ZNF711: variants seen among roughly 807,000 people sequenced by gnomAD.
ZNF711 encodes the protein zinc finger protein 711.
Under a neutral mutation model 43.5 loss-of-function variants are expected in ZNF711, and 3 were observed. The ratio of observed to expected loss-of-function variants is 0.07; its 90% CI spans 0.03 to 0.18. The LOEUF is 0.18. Among genes scored for constraint, ZNF711 ranks in the 10% least tolerant of loss-of-function variants. ZNF711 has a pLI of 1.00. For missense variants in ZNF711, 412 were observed against 604.0 expected (o/e 0.68, Z 3.33); for synonymous variants, 209 against 207.7 (o/e 1.01, Z -0.06).
intron 5 of ZNF711, 150 bp from the exon 6 acceptor site, chrX:85,264,125 G>A: frequency 2.1e-6 from 1 of 484,269 alleles, no homozygotes. Flanking sequence ...TTCATAATAG[G>A]TTATTAAGTG....
At chrX:85,250,097 C>G (rs921577007) in intron 4 of ZNF711, among the ~76,000 whole-genome samples, 3 of 112,188 alleles carry the variant, frequency 2.7e-5, no homozygotes, top group African/African-American at 9.7e-5. Context: ...ATTTGTTTAT[C>G]AGTTGATAGA....
At chrX:85,259,486 C>T (rs1299391272) in intron 5 of ZNF711, among the ~76,000 whole-genome samples, 3 of 111,348 alleles carry the variant, frequency 2.7e-5, no homozygotes, top group African/African-American at 9.8e-5. Flanking sequence ...TTGCTTTGGG[C>T]AGTATGTCCA....
intron 4 of ZNF711, among the ~76,000 whole-genome samples, chrX:85,254,924 C>T (rs1387289867): frequency 8.9e-6 from 1 of 111,928 alleles, no homozygotes; most frequent in African/African-American, 3.2e-5. Flanking sequence ...ACATCCTCAC[C>T]AGCCTATGGT....
Position 85,244,150 on chromosome X carries a change from C to CGGCGGCGGCGGCGGCGGCAGCTGT in ZNF711, c.-438_-437insGGCGGCGGCAGCTGTGGCGGCGGC. On this transcript the variant is annotated 5_prime_UTR_variant, in exon 1 of 11. Coordinates refer to ENST00000674551, the MANE Select transcript of ZNF711 (RefSeq NM_001330574.2). ...GCGGCGGCGGCGGCGGCGGCGGCAG[C>CGGCGGCGGCGGCGGCGGCAGCTGT]GGCGGCGGCAGCGGCGGCGGCAGCT... 1 of 150,137 alleles carries CGGCGGCGGCGGCGGCGGCAGCTGT rather than the reference C, an allele frequency of 6.7e-6. No individual in the cohort carries two copies. Among genetic ancestry groups the CGGCGGCGGCGGCGGCGGCAGCTGT allele is most frequent in the East Asian group, 1.7e-4 (1 of 5,728 alleles). The allele number at this position is 150,137 out of a possible 1,213,427, so 12.4% of individuals were successfully genotyped here.
chrX:85,259,097 G>A (rs764911221), intron 5 of ZNF711, among the ~76,000 whole-genome samples: 55 of 111,022 alleles, frequency 5.0e-4, no homozygotes, highest in African/African-American at 1.4e-3. Flanking sequence ...GAAACATAGG[G>A]GTCCAGTTTC....
intron 3 of ZNF711, 123 bp downstream of exon 3, chrX:85,247,311 C>T (rs1041561688): frequency 3.5e-5 from 12 of 341,469 alleles, no homozygotes; most frequent in African/African-American, 3.0e-4. Context: ...CCCTATGGCT[C>T]ATCAGCTTGA....
chrX:85,257,487 A>T (rs765231674), intron 5 of ZNF711, among the ~76,000 whole-genome samples: 12 of 112,157 alleles, frequency 1.1e-4, no homozygotes, highest in Non-Finnish European at 2.3e-4. Context: ...CCATATTACT[A>T]CAAAGGACGT....
In ZNF711 at chrX:85,269,951, C is replaced by CA. The variant is rs1931432778; in HGVS notation, c.1103-46dup. On this transcript the variant is annotated intron_variant, in intron 9 of 10. Transcript: ENST00000674551. The stretch of plus-strand genomic sequence containing the variant: ...TCTGTAGTAACTCATTCAACAGAAC[C>CA]AAAAAAGTATAAATGTATGTGATTT... The CA allele has an allele frequency of 1.3e-5, 15 of 1,189,776 alleles. No individual in the cohort carries two copies. The South Asian group carries it at 2.7e-4, about 21-fold the overall frequency.
At chrX:85,264,228 T>C (rs1396882957) in intron 5 of ZNF711, 47 bp from the exon 6 acceptor site, 3 of 1,079,108 alleles carry the variant, frequency 2.8e-6, no homozygotes, top group South Asian at 1.9e-5. Flanking sequence ...TGTTGTTTTT[T>C]GTCAATGGTA....
At chrX:85,260,436 A>G (rs1484448443) in intron 5 of ZNF711, among the ~76,000 whole-genome samples, 1 of 111,080 alleles carries the variant, frequency 9.0e-6, no homozygotes, top group East Asian at 2.8e-4. Context: ...AATTTTAAAA[A>G]CTATAATGAC....
chrX:85,258,148 A>G (rs1390250883), intron 5 of ZNF711, among the ~76,000 whole-genome samples: 1 of 112,456 alleles, frequency 8.9e-6, no homozygotes, highest in Non-Finnish European at 1.9e-5. Context: ...ATGCCCATCA[A>G]TCAACGAGTG....
intron 10 of ZNF711, 148 bp downstream of exon 10, chrX:85,270,294 T>C: frequency 1.7e-6 from 1 of 572,841 alleles, no homozygotes; most frequent in Non-Finnish European, 2.7e-6. Context: ...TTTTTTTTTT[T>C]TACTTTGTGT....
In ZNF711 at chrX:85,271,265, A is replaced by G; in HGVS notation, c.1861A>G (p.Arg621Gly). The G allele has an allele frequency of 8.3e-7, 1 of 1,210,182 alleles. No homozygotes were observed. ...TTGTCCCCAAGCATTTGGTGATGAG[A>G]GGGAGCTTCAACGCCATCTGGATTT... ...EHCPQAFGDERELQRHLDLFQ... is the reference protein window; with the variant it reads ...EHCPQAFGDEGELQRHLDLFQ... The change falls in exon 11 of 11, where the codon AGG becomes GGG. Residue 621 changes from arginine to glycine, a missense_variant. Arg to Gly is a moderately radical substitution (Grantham distance 125). Around this residue, in one of 4 missense-constraint regions of ZNF711, gnomAD observed 375 missense variants for 514.2 expected, o/e 0.73. Transcript: ENST00000674551.
chrX:85,264,968 G>T lies in ZNF711; in HGVS notation c.779-150G>T, dbSNP rs1247514254. The T allele has an allele frequency of 2.3e-5, 12 of 515,081 alleles. No homozygotes were observed. In the African/African-American group the frequency reaches 2.4e-4, roughly 10 times the overall value. 42.4% of individuals were successfully genotyped at this position (515,081 alleles called of 1,213,427 possible). ...TCTCAGTGATAGCTGAAAATTTAAAGTATAATTTATATGAAAATGTTCTTG... is the reference window on the plus strand; with the variant it reads ...TCTCAGTGATAGCTGAAAATTTAAATTATAATTTATATGAAAATGTTCTTG... On this transcript the variant is annotated intron_variant, in intron 6 of 10. Coordinates refer to ENST00000674551, the MANE Select transcript of ZNF711 (RefSeq NM_001330574.2).
At chrX:85,261,360 T>C (rs1004485126) in intron 5 of ZNF711, among the ~76,000 whole-genome samples, 6 of 111,583 alleles carry the variant, frequency 5.4e-5, no homozygotes, top group African/African-American at 1.9e-4. Context: ...GTACAAGTTT[T>C]TATGTGAGTG....
rs979991291 is a variant in ZNF711, at chrX:85,271,834, T to G, written c.*6T>G. On this transcript the variant is annotated 3_prime_UTR_variant, in exon 11 of 11. Coordinates refer to ENST00000674551, the MANE Select transcript of ZNF711 (RefSeq NM_001330574.2). The stretch of plus-strand genomic sequence containing the variant: ...ACAAAGAGGCTCTTATGTAATAAGA[T>G]CAATATAAAGAAAGAAGCTATTTAG... 8.5e-7 allele frequency: 1 copy of G among 1,182,329 alleles called. No homozygotes were observed. The highest frequency in any genetic ancestry group is 1.7e-5 in the African/African-American group (1 of 57,177).
chrX:85,271,426 T>C lies in ZNF711; in HGVS notation c.2022T>C (p.Phe674=). Residue 674 remains phenylalanine (F), a synonymous_variant, in exon 11 of 11, where the codon TTT becomes TTC. Transcript: ENST00000674551. ...AATGTGAGGTCTGTGATAAAGGTTT[T>C]CATCGTCCTTCTGAGCTCAAAAAGC... The part of the protein sequence containing the change: ...PHKCEVCDKG[F]HRPSELKKHS... 8.3e-7 allele frequency: 1 copy of C among 1,211,083 alleles called. No individual in the cohort carries two copies.
intron 5 of ZNF711, among the ~76,000 whole-genome samples, chrX:85,259,994 G>C (rs73234663): frequency 0.12 from 12,746 of 110,692 alleles, 594 homozygotes; most frequent in South Asian, 0.18. Flanking sequence ...TCCAGTTTTT[G>C]CTCATTCAGT....
At chrX:85,268,620 A>G (rs1931307063) in intron 9 of ZNF711, among the ~76,000 whole-genome samples, 1 of 111,457 alleles carries the variant, frequency 9.0e-6, no homozygotes, top group Non-Finnish European at 1.9e-5. Context: ...CTATGGAAAA[A>G]ATGAAATAAG....
Sources: allele counts gnomAD v4.1 joint callset (sites outside exome capture counted in the v4.1 genomes callset), GRCh38; gene constraint gnomAD v4.1.1; regional missense constraint gnomAD v4.1.1; transcripts MANE v1.5; gene names NCBI Gene and HGNC (gene_info 2026-07-23, HGNC 2026-07-21).